Variants in EPHA5 observed in about 807,000 individuals in gnomAD.
EPHA5 encodes the protein EPH receptor A5, also known as ephrin type-A receptor 5.
A neutral mutation model predicts 105.0 loss-of-function variants in EPHA5; 60 were observed. The observed-to-expected ratio is 0.57, with a 90% CI of 0.46 to 0.71. EPHA5 has a LOEUF of 0.71. EPHA5 is among the 30% of genes least tolerant of loss of function. The pLI is 0.00. For synonymous variants in EPHA5, 513 were observed against 449.1 expected, an observed-to-expected ratio of 1.14 and a Z score of -1.80; for missense variants, 1,218 against 1,274.7, an observed-to-expected ratio of 0.96 and a Z score of 0.68.
chr4:65,630,284 A>C (rs1746514895), intron 2 of EPHA5, among the ~76,000 whole-genome samples: 2 of 152,118 alleles, frequency 1.3e-5, no homozygotes, highest in Admixed American at 1.3e-4. Context: ...GGGTGGGCTC[A>C]AGCATGTTCA....
intron 2 of EPHA5, among the ~76,000 whole-genome samples, chr4:65,608,165 C>A (rs1744418747): frequency 1.3e-5 from 2 of 152,092 alleles, no homozygotes; most frequent in Admixed American, 6.5e-5. Context: ...CAAACCTGCA[C>A]GTTCTGCACA....
At chr4:65,545,616 A>T (rs1737298250) in intron 3 of EPHA5, among the ~76,000 whole-genome samples, 1 of 151,980 alleles carries the variant, frequency 6.6e-6, no homozygotes, top group African/African-American at 2.4e-5. Context: ...TAAAACAAAG[A>T]ATTCAAGGCT....
At chr4:65,663,301 A>C (rs1344238589) in intron 1 of EPHA5, among the ~76,000 whole-genome samples, 2 of 152,116 alleles carry the variant, frequency 1.3e-5, no homozygotes, top group African/African-American at 4.8e-5. Flanking sequence ...TCATTTCACA[A>C]AGTTAGACTA....
At chr4:65,601,272 G>T (rs1429005862) in intron 3 of EPHA5, among the ~76,000 whole-genome samples, 2 of 152,082 alleles carry the variant, frequency 1.3e-5, no homozygotes, top group South Asian at 4.1e-4. Context: ...AGCAAATAAA[G>T]AGTAGAAAAT....
rs548835798 is a variant in EPHA5, at chr4:65,410,323, C to T, written c.1687+3961G>A. ...AAAGCCAATTCCAAATTAAAAGGCACGTACTGCATGTTTCTATTTATAAAA... is the reference window on the plus strand; with the variant it reads ...AAAGCCAATTCCAAATTAAAAGGCATGTACTGCATGTTTCTATTTATAAAA... On this transcript the variant is annotated intron_variant, in intron 7 of 16. Transcript: ENST00000613740. Among the ~76,000 whole-genome samples the T allele has an allele frequency of 8.5e-5, 13 of 152,244 alleles. No individual in the cohort carries two copies. The East Asian group carries it at 9.6e-4, about 11-fold the overall frequency.
chr4:65,556,732 C>A (rs953692167), intron 3 of EPHA5, among the ~76,000 whole-genome samples: 2 of 152,088 alleles, frequency 1.3e-5, no homozygotes, highest in East Asian at 1.9e-4. Context: ...TTATTATTTT[C>A]AGCAAATAGA....
intron 1 of EPHA5, among the ~76,000 whole-genome samples, chr4:65,663,223 G>C (rs150971246): frequency 6.6e-6 from 1 of 151,980 alleles, no homozygotes; most frequent in Non-Finnish European, 1.5e-5. Flanking sequence ...TTTAAAAGAG[G>C]TTTTCAGGCA....
At chr4:65,397,384 G>A (rs1279700617) in intron 8 of EPHA5, among the ~76,000 whole-genome samples, 1 of 152,076 alleles carries the variant, frequency 6.6e-6, no homozygotes, top group East Asian at 1.9e-4. Flanking sequence ...TGTAGTTGGG[G>A]AGACCTCTTG....
At chr4:65,538,471 C>G (rs985092121) in intron 3 of EPHA5, among the ~76,000 whole-genome samples, 3 of 151,752 alleles carry the variant, frequency 2.0e-5, no homozygotes, top group African/African-American at 7.2e-5. Context: ...TTCCAAAAGT[C>G]ATCGTGCCTT....
chr4:65,613,658 T>A (rs891677502), intron 2 of EPHA5, among the ~76,000 whole-genome samples: 1 of 152,002 alleles, frequency 6.6e-6, no homozygotes, highest in Non-Finnish European at 1.5e-5. Context: ...TGAACAGCCA[T>A]ATGTCTATTG....
intron 3 of EPHA5, among the ~76,000 whole-genome samples, chr4:65,560,814 A>G (rs1738928720): frequency 6.6e-6 from 1 of 152,094 alleles, no homozygotes; most frequent in Non-Finnish European, 1.5e-5. Flanking sequence ...TAAACAAAAT[A>G]ATATAGAATA....
intron 16 of EPHA5, among the ~76,000 whole-genome samples, chr4:65,329,617 T>C (rs1019661165): frequency 2.0e-5 from 3 of 151,388 alleles, no homozygotes; most frequent in Admixed American, 6.6e-5. Flanking sequence ...CATTCTCAGC[T>C]TCTACTATCT....
At chr4:65,594,103 T>A (rs1742939451) in intron 3 of EPHA5, among the ~76,000 whole-genome samples, 1 of 152,148 alleles carries the variant, frequency 6.6e-6, no homozygotes, top group Non-Finnish European at 1.5e-5. Context: ...AAGCAAACAA[T>A]AAAACAAAAG....
chr4:65,342,626 G>C (rs758499240), intron 14 of EPHA5, among the ~76,000 whole-genome samples: 1 of 150,314 alleles, frequency 6.7e-6, no homozygotes, highest in Admixed American at 6.6e-5. Context: ...ATGTATATGA[G>C]CAATATACAT....
At chr4:65,443,664 A>G (rs1012284347) in intron 5 of EPHA5, among the ~76,000 whole-genome samples, 4 of 152,128 alleles carry the variant, frequency 2.6e-5, no homozygotes, top group Non-Finnish European at 4.4e-5. Context: ...GGCAAAAAAC[A>G]ATTACTAGAG....
chr4:65,658,900 A>G (rs1298532546), intron 1 of EPHA5, among the ~76,000 whole-genome samples: 1 of 152,150 alleles, frequency 6.6e-6, no homozygotes, highest in Non-Finnish European at 1.5e-5. Flanking sequence ...GAGCTTCTCT[A>G]ATCTATTCTA....
In EPHA5 at chr4:65,495,414, G is replaced by T; in HGVS notation, c.1040C>A (p.Ser347Tyr). Residue 347 changes from serine (S) to tyrosine (Y), a missense_variant, in exon 4 of 17, where the codon TCT becomes TAT. Coordinates refer to ENST00000613740, the MANE Select transcript of EPHA5 (RefSeq NM_001281766.3). The part of the protein sequence containing the change: ...VCEKDYFRRE[S>Y]DPPTMACTRP... The stretch of plus-strand genomic sequence containing the variant: ...TGTGCATGCCATTGTGGGTGGATCA[G>T]ACTCTCTCCTGAAATAATCCTTTTC... The T allele has an allele frequency of 1.2e-6, 2 of 1,613,620 alleles. No homozygotes were observed. Among genetic ancestry groups the T allele is most frequent in the Non-Finnish European group, 1.7e-6 (2 of 1,179,702 alleles).
intron 2 of EPHA5, among the ~76,000 whole-genome samples, chr4:65,617,565 C>T (rs548242281): frequency 3.1e-4 from 47 of 152,264 alleles, no homozygotes; most frequent in African/African-American, 1.0e-3. Context: ...ACTTATCCCT[C>T]CTTTTCCTAG....
intron 3 of EPHA5, among the ~76,000 whole-genome samples, chr4:65,595,581 ATT>A (rs200521084): frequency 4.1e-5 from 4 of 98,450 alleles, no homozygotes; most frequent in Non-Finnish European, 4.9e-5. Context: ...ATCTCACAAG[ATT>A]TTTTTTTTTT....
Sources: allele counts gnomAD v4.1 joint callset (sites outside exome capture counted in the v4.1 genomes callset), GRCh38; gene constraint gnomAD v4.1.1; transcripts MANE v1.5; gene names NCBI Gene and HGNC (gene_info 2026-07-23, HGNC 2026-07-21).